The following KDM2A variants were observed in gnomAD, a reference collection of about 807,000 sequenced individuals.
KDM2A encodes lysine-specific demethylase 2A.
Under a neutral mutation model 137.3 loss-of-function variants are expected in KDM2A, and 3 were observed. The observed-to-expected ratio is 0.02, with a 90% CI of 0.01 to 0.06. The LOEUF is 0.06. Among genes scored for constraint, KDM2A ranks in the 10% least tolerant of loss-of-function variants. KDM2A has a pLI of 1.00. For synonymous variants in KDM2A, 512 were observed against 541.5 expected (o/e 0.95, Z 0.76); for missense variants, 738 against 1,510.6 (o/e 0.49, Z 8.48).
Position 67,257,772 on chromosome 11 carries a change from TA to T in KDM2A, c.*2720del, listed in dbSNP as rs1859659098. On this transcript the variant is annotated 3_prime_UTR_variant, in exon 21 of 21. Transcript: ENST00000529006. ...ATCTCCAATGTTGTGCTAAAAAGTT[TA>T]AATTAAATGTAAGCATTAAGGGGAT... 6.6e-6 allele frequency: 1 copy of T among 152,194 alleles called. No individual in the cohort carries two copies. The highest frequency in any genetic ancestry group is 6.5e-5 in the Admixed American group (1 of 15,276). The allele number at this position is 152,194 out of a possible 1,614,324, so 9.4% of individuals were successfully genotyped here.
intron 10 of KDM2A, among the ~76,000 whole-genome samples, chr11:67,220,471 C>T (rs1013820744): frequency 3.9e-5 from 6 of 152,072 alleles, no homozygotes; most frequent in Non-Finnish European, 5.9e-5. Context: ...GATGACTATA[C>T]TCAAAGCATC....
intron 2 of KDM2A, among the ~76,000 whole-genome samples, chr11:67,131,697 C>G (rs964858176): frequency 5.3e-5 from 8 of 152,258 alleles, no homozygotes; most frequent in African/African-American, 1.9e-4. Context: ...CAGGCATGAG[C>G]CACGACTTTC....
intron 2 of KDM2A, among the ~76,000 whole-genome samples, chr11:67,161,537 GTAAC>G (rs1236817755): frequency 1.3e-5 from 2 of 152,146 alleles, no homozygotes; most frequent in African/African-American, 4.8e-5. Context: ...ATGGATATAT[GTAAC>G]TAACATGTTT....
chr11:67,143,557 C>T (rs1856172274), intron 2 of KDM2A, among the ~76,000 whole-genome samples: 1 of 152,074 alleles, frequency 6.6e-6, no homozygotes, highest in African/African-American at 2.4e-5. Flanking sequence ...TTCCTAATCA[C>T]TACTTTTTCT....
At chr11:67,206,488 G>A (rs1461876678) in intron 5 of KDM2A, among the ~76,000 whole-genome samples, 5 of 152,092 alleles carry the variant, frequency 3.3e-5, no homozygotes, top group Admixed American at 1.3e-4. Context: ...TGTAATCCTA[G>A]CACTTTAGGA....
chr11:67,254,529 C>A lies in KDM2A; in HGVS notation c.3307+111C>A. The stretch of plus-strand genomic sequence containing the variant: ...GGGTCTGTTGATTGACCCACATCAG[C>A]TCATTTCTTCACATCTGGACAAGGA... On this transcript the variant is annotated intron_variant, in intron 20 of 20. Coordinates refer to ENST00000529006, the MANE Select transcript of KDM2A (RefSeq NM_012308.3). The surrounding 1 kb of genome is among the most constrained non-coding windows in gnomAD (Gnocchi z 4.7). The A allele has an allele frequency of 1.1e-6, 1 of 891,594 alleles. No individual in the cohort carries two copies. Among genetic ancestry groups the A allele is most frequent in the Non-Finnish European group, 1.8e-6 (1 of 550,338 alleles). 55.2% of individuals were successfully genotyped at this position (891,594 alleles called of 1,614,324 possible).
Position 67,252,850 on chromosome 11 carries a change from G to C in KDM2A, c.2925G>C (p.Arg975Ser). ...SKKQLTWLVN[R>S]LPGLKDLLLA... ...AGCAACTGACATGGCTCGTCAATAG[G>C]CTGCCAGGTAAGTGAGCAGCCCTGC... The change falls in exon 18 of 21, where the codon AGG (arginine) becomes AGC (serine). Residue 975 changes from arginine to serine, a missense_variant. Around this residue, in one of 9 missense-constraint regions of KDM2A, gnomAD observed 166 missense variants for 324.0 expected, o/e 0.51. Transcript: ENST00000529006. 6.2e-7 allele frequency: 1 copy of C among 1,604,814 alleles called. No homozygotes were observed. The highest frequency in any genetic ancestry group is 1.3e-5 in the African/African-American group (1 of 74,852).
In KDM2A at chr11:67,128,542, A is replaced by G. The variant is rs536568186; in HGVS notation, c.42+7184A>G. Among the ~76,000 whole-genome samples the G allele has an allele frequency of 3.9e-5, 6 of 152,204 alleles. No homozygotes were observed. The South Asian group carries it at 1.2e-3, about 32-fold the overall frequency. ...TCTCATTGTTGCGGCCTCCCTCCTA[A>G]TAATGTAGGAAAAACTTGACCATTT... On this transcript the variant is annotated intron_variant, in intron 2 of 20. Coordinates refer to ENST00000529006, the MANE Select transcript of KDM2A (RefSeq NM_012308.3).
At chr11:67,235,669 TG>T (rs1206647991) in intron 12 of KDM2A, among the ~76,000 whole-genome samples, 2 of 151,908 alleles carry the variant, frequency 1.3e-5, no homozygotes, top group Non-Finnish European at 2.9e-5. Flanking sequence ...TCACCTAGGC[TG>T]GGGTGCAGTG....
intron 5 of KDM2A, among the ~76,000 whole-genome samples, chr11:67,203,932 C>A (rs1452075691): frequency 6.6e-6 from 1 of 151,898 alleles, no homozygotes; most frequent in Non-Finnish European, 1.5e-5. Context: ...TCCTAAGTAG[C>A]TGGGACTATG....
At position 67,250,374 on chromosome 11, in the gene KDM2A, G is replaced by A. The variant is rs1373872213; in HGVS notation, c.2344G>A (p.Gly782Ser). 2.5e-6 allele frequency: 4 copies of A among 1,613,850 alleles called. No homozygotes were observed. Among genetic ancestry groups the A allele is most frequent in the Admixed American group, 1.7e-5 (1 of 60,014 alleles). Reference sequence around the variant, plus strand: ...ACGGGAAAAGGAGAACAATCCCAGCGGCAAAAAGGAGCTGTCTGAAGTTGA... The same window carrying A: ...ACGGGAAAAGGAGAACAATCCCAGCAGCAAAAAGGAGCTGTCTGAAGTTGA... ...MVREKENNPS[G>S]KKELSEVEKA... The change falls in exon 17 of 21, where the codon GGC (glycine) becomes AGC (serine). Residue 782 changes from glycine to serine, a missense_variant. Around this residue, in one of 9 missense-constraint regions of KDM2A, gnomAD observed 244 missense variants for 324.6 expected, o/e 0.75. Coordinates refer to ENST00000529006, the MANE Select transcript of KDM2A (RefSeq NM_012308.3). This position sits in a 1 kb window ranked among gnomAD's most constrained non-coding sequence, Gnocchi z 7.1.
intron 10 of KDM2A, among the ~76,000 whole-genome samples, chr11:67,220,172 C>G (rs964331729): frequency 2.6e-5 from 4 of 151,932 alleles, no homozygotes; most frequent in Non-Finnish European, 4.4e-5. Flanking sequence ...CCACCACATG[C>G]AGCTAATTTT....
At chr11:67,203,311 T>G (rs1237491815) in intron 5 of KDM2A, among the ~76,000 whole-genome samples, 6 of 151,814 alleles carry the variant, frequency 4.0e-5, no homozygotes, top group Non-Finnish European at 7.4e-5. Context: ...TTGTATGACT[T>G]GCTTACTGGA....
rs1428100783 is a variant in KDM2A, at chr11:67,242,290, GT to G, written c.1480-718del. Among the ~76,000 whole-genome samples, 68 of 152,002 alleles carry G rather than the reference GT, an allele frequency of 4.5e-4. 1 individual carries two copies. The highest frequency in any genetic ancestry group is 3.4e-3 in the Middle Eastern group (1 of 294). ...TGTGGGTGTGTGTATGTGTGTGTGT[GT>G]GTGTGTGTGTGTGAGAGAGAGAGAG... On this transcript the variant is annotated intron_variant, in intron 12 of 20. Transcript: ENST00000529006.
rs913274873 is a variant in KDM2A at position 67,257,980 on chromosome 11, A to C, written c.*2925A>C. On this transcript the variant is annotated 3_prime_UTR_variant, in exon 21 of 21. Coordinates refer to ENST00000529006, the MANE Select transcript of KDM2A (RefSeq NM_012308.3). ...TGTGTAATAAAATTTTTAAAAGACA[A>C]AAAAAGAAATAGCCTCCAATGGGAA... is the stretch of plus-strand genomic sequence containing the variant. 3.9e-5 allele frequency: 6 copies of C among 152,206 alleles called. No homozygotes were observed. The highest frequency in any genetic ancestry group is 1.4e-4 in the African/African-American group (6 of 41,450). 9.4% of individuals were successfully genotyped at this position (152,206 alleles called of 1,614,324 possible).
intron 10 of KDM2A, among the ~76,000 whole-genome samples, chr11:67,225,362 G>A (rs1243927669): frequency 2.6e-5 from 4 of 152,308 alleles, no homozygotes; most frequent in East Asian, 1.9e-4. Context: ...TTGGGCAGGC[G>A]TGGTGGCTTA....
At chr11:67,240,001 G>C (rs1207397248) in intron 12 of KDM2A, 1 of 1,263,922 alleles carries the variant, frequency 7.9e-7, no homozygotes, top group Non-Finnish European at 1.0e-6. Flanking sequence ...TGGGCCCTCT[G>C]CCTGGCTCGC....
At chr11:67,175,489 C>G (rs1182585980) in intron 2 of KDM2A, among the ~76,000 whole-genome samples, 11 of 152,156 alleles carry the variant, frequency 7.2e-5, no homozygotes, top group Non-Finnish European at 1.6e-4. Context: ...TTTCCAGTTG[C>G]AATAATCAAA....
intron 5 of KDM2A, among the ~76,000 whole-genome samples, chr11:67,203,464 T>TTAGC (rs1857706002): frequency 6.8e-6 from 1 of 147,102 alleles, no homozygotes; most frequent in Non-Finnish European, 1.5e-5. Context: ...TATTTATTAA[T>TTAGC]TATTAATAAT....
Sources: gnomAD v4.1 joint callset for allele counts (sites outside exome capture counted in the v4.1 genomes callset) on GRCh38, gnomAD v4.1.1 for gene constraint, gnomAD v4.1.1 regional missense constraint, Gnocchi (gnomAD v3.1) non-coding constraint, MANE v1.5 for transcripts, NCBI Gene and HGNC (gene_info 2026-07-23, HGNC 2026-07-21) for gene names.